The following UBAP2L variants were observed in gnomAD, a reference collection of about 807,000 sequenced individuals.
UBAP2L encodes the protein ubiquitin-associated protein 2-like.
Under a neutral mutation model 130.6 loss-of-function variants are expected in UBAP2L, and 12 were observed. That is an observed-to-expected ratio of 0.09 (90% CI 0.06 to 0.15). The LOEUF is 0.15. Among genes scored for constraint, UBAP2L ranks in the 10% least tolerant of loss-of-function variants. UBAP2L has a pLI of 1.00. For synonymous variants in UBAP2L, 503 were observed against 524.7 expected (o/e 0.96, Z 0.57); for missense variants, 965 against 1,332.5 (o/e 0.72, Z 4.29).
rs759484602 is a variant in UBAP2L at position 154,241,605 on chromosome 1, C to A, written c.756+40C>A. 3.7e-6 allele frequency: 6 copies of A among 1,610,772 alleles called. No individual in the cohort carries two copies. The Admixed American group carries it at 8.4e-5, about 22-fold the overall frequency. On this transcript the variant is annotated intron_variant, in intron 9 of 26. Coordinates refer to ENST00000428931, the MANE Select transcript of UBAP2L (RefSeq NM_014847.4). ...GTCATTCCTCACTAATGCCTTCTATCCCTAAGTGTTGTTTAGGGATAGAAA... is the reference window on the plus strand; with the variant it reads ...GTCATTCCTCACTAATGCCTTCTATACCTAAGTGTTGTTTAGGGATAGAAA...
intron 8 of UBAP2L, among the ~76,000 whole-genome samples, chr1:154,238,083 G>A (rs550176296): frequency 5.3e-4 from 81 of 152,200 alleles, no homozygotes; most frequent in African/African-American, 1.8e-3. Flanking sequence ...TCACAGATAC[G>A]TGATCTCTGG....
At chr1:154,230,395 A>T (rs902820182) in intron 4 of UBAP2L, among the ~76,000 whole-genome samples, 3 of 152,250 alleles carry the variant, frequency 2.0e-5, no homozygotes, top group African/African-American at 7.2e-5. Context: ...GGAAATAATA[A>T]TGGAAAACTT....
chr1:154,242,560 C>T (rs1249680250), intron 9 of UBAP2L, among the ~76,000 whole-genome samples: 5 of 152,058 alleles, frequency 3.3e-5, no homozygotes, highest in Non-Finnish European at 2.9e-5. Context: ...TGTGCTTTAG[C>T]GATTTTAATC....
At chr1:154,224,287 A>G (rs1205488493) in intron 1 of UBAP2L, among the ~76,000 whole-genome samples, 2 of 152,200 alleles carry the variant, frequency 1.3e-5, no homozygotes, top group East Asian at 3.9e-4. Flanking sequence ...GTTTGAGACA[A>G]ATTTGAGATT....
Position 154,255,280 on chromosome 1 carries a change from A to G in UBAP2L, c.2038A>G (p.Ser680Gly), listed in dbSNP as rs770228174. The G allele has an allele frequency of 1.2e-6, 2 of 1,614,186 alleles. No homozygotes were observed. The highest frequency in any genetic ancestry group is 4.5e-5 in the East Asian group (2 of 44,876). The part of the protein sequence containing the change: ...NQHSSSLGGL[S>G]HSEEIPNTTT... ...GCATTCATCCTCCTTGGGTGGCTTG[A>G]GCCACAGTGAGGAGATTCCAAATAC... Residue 680 changes from serine to glycine, a missense_variant, in exon 17 of 27, where the codon AGC becomes GGC. By Grantham distance (56) the Ser-to-Gly change is moderately conservative (BLOSUM62 0). Around this residue, in one of 9 missense-constraint regions of UBAP2L, gnomAD observed 393 missense variants for 408.1 expected, o/e 0.96. Coordinates refer to ENST00000428931, the MANE Select transcript of UBAP2L (RefSeq NM_014847.4).
intron 25 of UBAP2L, 130 bp from the exon 26 acceptor site, chr1:154,268,627 A>G (rs1025662899): frequency 1.7e-5 from 14 of 829,214 alleles, no homozygotes; most frequent in Non-Finnish European, 2.8e-5. Flanking sequence ...TGAATATGTG[A>G]CTTCAAGTGT....
chr1:154,270,758 G>GGTTTTTTTTT lies in UBAP2L; in HGVS notation c.*464_*473dup. On this transcript the variant is annotated 3_prime_UTR_variant, in exon 27 of 27. Coordinates refer to ENST00000428931, the MANE Select transcript of UBAP2L (RefSeq NM_014847.4). ...CATTGTCAGATGAATTAGTTGAAGT[G>GGTTTTTTTTT]GTTTTTTTTTTGTTTTTTTTTTTTT... 7.4e-7 allele frequency: 1 copy of GGTTTTTTTTT among 1,352,024 alleles called. No homozygotes were observed. The highest frequency in any genetic ancestry group is 9.6e-7 in the Non-Finnish European group (1 of 1,042,460). 83.8% of individuals were successfully genotyped at this position (1,352,024 alleles called of 1,614,324 possible).
chr1:154,255,542 T>A (rs1209538744), intron 17 of UBAP2L, 141 bp from the exon 18 acceptor site: 2 of 1,138,912 alleles, frequency 1.8e-6, no homozygotes, highest in Non-Finnish European at 2.6e-6. Flanking sequence ...TACCCCTGGC[T>A]GGCCATTGTG....
At position 154,261,037 on chromosome 1, in the gene UBAP2L, C is replaced by T. The variant is rs763832290; in HGVS notation, c.2724C>T (p.Tyr908=). ...CGGCGCTGCCTCCTGGCTACAGTTACACCAGCCTGCCATACTATACAGGGG... is the reference window on the plus strand; with the variant it reads ...CGGCGCTGCCTCCTGGCTACAGTTATACCAGCCTGCCATACTATACAGGGG... ...LNPALPPGYS[Y]TSLPYYTGVP... The change falls in exon 23 of 27, where the codon TAC becomes TAT. Residue 908 remains tyrosine (Y), a synonymous_variant. Transcript: ENST00000428931. The T allele has an allele frequency of 6.2e-7, 1 of 1,614,178 alleles. No individual in the cohort carries two copies.
At chr1:154,242,336 C>T (rs759809467) in intron 9 of UBAP2L, among the ~76,000 whole-genome samples, 4 of 152,196 alleles carry the variant, frequency 2.6e-5, no homozygotes, top group Non-Finnish European at 4.4e-5. Flanking sequence ...GAGGAAATGA[C>T]ATGTGAAGAC....
At chr1:154,252,062 CA>C (rs1677816262) in intron 14 of UBAP2L, among the ~76,000 whole-genome samples, 2 of 151,852 alleles carry the variant, frequency 1.3e-5, no homozygotes, top group Non-Finnish European at 2.9e-5. Flanking sequence ...CAACCTCTGC[CA>C]CCCGGGTTCA....
At chr1:154,238,250 A>G (rs1008733343) in intron 8 of UBAP2L, among the ~76,000 whole-genome samples, 1 of 152,244 alleles carries the variant, frequency 6.6e-6, no homozygotes, top group African/African-American at 2.4e-5. Flanking sequence ...AAGTTGAGTT[A>G]CAAGATAGGT....
At chr1:154,260,074 TG>T in intron 22 of UBAP2L, 45 bp downstream of exon 22, 1 of 1,581,552 alleles carries the variant, frequency 6.3e-7, no homozygotes, top group South Asian at 1.1e-5. Context: ...GAGATAGTGT[TG>T]GGATTGATGG....
At chr1:154,220,241 G>T, upstream of UBAP2L, 1 of 1,396,496 alleles carries the variant, frequency 7.2e-7, no homozygotes, top group Non-Finnish European at 1.0e-6. Flanking sequence ...CCGGATAGGC[G>T]CAGGTGAGTG....
At chr1:154,236,674 A>G in intron 7 of UBAP2L, 63 bp downstream of exon 7, 1 of 1,554,202 alleles carries the variant, frequency 6.4e-7, no homozygotes, top group Middle Eastern at 1.7e-4. Flanking sequence ...AGGCAGCCTT[A>G]ACCAAAATGA....
At chr1:154,243,326 A>G (rs746021806) in intron 10 of UBAP2L, 24 bp downstream of exon 10, 11 of 1,604,534 alleles carry the variant, frequency 6.9e-6, no homozygotes, top group Non-Finnish European at 9.4e-6. Flanking sequence ...AAAATTTAGT[A>G]CCATTTCTTA....
chr1:154,267,364 T>C (rs1288483520), intron 25 of UBAP2L, among the ~76,000 whole-genome samples: 3 of 151,854 alleles, frequency 2.0e-5, no homozygotes, highest in Admixed American at 6.6e-5. Flanking sequence ...CCATCTTGGC[T>C]AGGCTGGTCT....
chr1:154,222,012 C>A (rs1666345534), intron 1 of UBAP2L, among the ~76,000 whole-genome samples: 1 of 152,188 alleles, frequency 6.6e-6, no homozygotes, highest in African/African-American at 2.4e-5. Context: ...GGAGACTGCT[C>A]CTTTTCCACC....
At chr1:154,237,195 C>A (rs1490487049) in intron 8 of UBAP2L, 59 bp downstream of exon 8, 1 of 1,439,028 alleles carries the variant, frequency 6.9e-7, no homozygotes, top group African/African-American at 1.4e-5. Flanking sequence ...ATAGTTTTTT[C>A]TGATTATACT....
Sources: gnomAD v4.1 joint callset for allele counts (sites outside exome capture counted in the v4.1 genomes callset) on GRCh38, gnomAD v4.1.1 for gene constraint, gnomAD v4.1.1 regional missense constraint, MANE v1.5 for transcripts, NCBI Gene and HGNC (gene_info 2026-07-23, HGNC 2026-07-21) for gene names.